OPCML: variants seen among roughly 807,000 people sequenced by gnomAD.
The protein encoded by OPCML is opioid-binding protein/cell adhesion molecule.
Under a neutral mutation model 37.8 loss-of-function variants are expected in OPCML, and 13 were observed. The observed-to-expected ratio is 0.34, with a 90% CI of 0.22 to 0.55. The LOEUF is 0.55. OPCML is among the 20% of genes least tolerant of loss of function. OPCML has a pLI of 0.91. For synonymous variants in OPCML, 176 were observed against 168.8 expected (o/e 1.04, Z -0.33); for missense variants, 341 against 435.6 (o/e 0.78, Z 1.93).
At chr11:133,307,721 G>T (rs1404374604) in intron 1 of OPCML, among the ~76,000 whole-genome samples, 1 of 152,158 alleles carries the variant, frequency 6.6e-6, no homozygotes, top group Non-Finnish European at 1.5e-5. Context: ...GGTGCGTTTT[G>T]ATTCCAATAT....
chr11:133,164,457 C>T (rs1950183411), intron 1 of OPCML, among the ~76,000 whole-genome samples: 1 of 152,226 alleles, frequency 6.6e-6, no homozygotes, highest in Admixed American at 6.5e-5. Flanking sequence ...AGCTGGTACT[C>T]TTACCCTGGG....
intron 1 of OPCML, among the ~76,000 whole-genome samples, chr11:133,053,185 G>A (rs1217454562): frequency 6.6e-6 from 1 of 152,168 alleles, no homozygotes; most frequent in Non-Finnish European, 1.5e-5. Flanking sequence ...CTCTACACTG[G>A]TGATAATGTC....
chr11:133,395,530 G>A (rs937878392), intron 1 of OPCML, among the ~76,000 whole-genome samples: 18 of 152,138 alleles, frequency 1.2e-4, no homozygotes, highest in African/African-American at 3.6e-4. Context: ...ATAGTTTGAG[G>A]TCTTAGATTT....
chr11:132,633,443 T>G (rs1940280633), intron 3 of OPCML, among the ~76,000 whole-genome samples: 3 of 152,098 alleles, frequency 2.0e-5, no homozygotes, highest in African/African-American at 7.2e-5. Context: ...TCATTTCTGA[T>G]AGAAATTAAA....
At position 132,415,938 on chromosome 11, in the gene OPCML, G is replaced by A. The variant is rs1036290871; in HGVS notation, c.*4255C>T. ...CATATGGTCTCTTTTTGAAAATGTT[G>A]CCTTCCTACTTACACACCTGTGAAG... On this transcript the variant is annotated 3_prime_UTR_variant, in exon 8 of 8. Transcript: ENST00000524381. The A allele has an allele frequency of 6.6e-6, 1 of 152,496 alleles. No homozygotes were observed. Among genetic ancestry groups the A allele is most frequent in the Admixed American group, 6.6e-5 (1 of 15,260 alleles). The allele number at this position is 152,496 out of a possible 1,614,324, so 9.4% of individuals were successfully genotyped here.
chr11:132,841,352 T>G (rs1406235667), intron 2 of OPCML, among the ~76,000 whole-genome samples: 3 of 152,150 alleles, frequency 2.0e-5, no homozygotes, highest in Non-Finnish European at 2.9e-5. Flanking sequence ...CAAAGTCTAA[T>G]TGAGGAGCAG....
chr11:133,298,954 G>C (rs1942706722), intron 1 of OPCML: 1 of 151,848 alleles, frequency 6.6e-6, no homozygotes, highest in Non-Finnish European at 1.5e-5. Context: ...GCCATTATTT[G>C]ACTAGAGAAG....
intron 3 of OPCML, among the ~76,000 whole-genome samples, chr11:132,625,942 T>A (rs773142858): frequency 1.5e-4 from 23 of 152,122 alleles, no homozygotes; most frequent in Non-Finnish European, 3.4e-4. Context: ...ATTGGCCACA[T>A]CTCTATTGTA....
chr11:132,812,881 T>C (rs1939425185), intron 2 of OPCML, among the ~76,000 whole-genome samples: 1 of 152,210 alleles, frequency 6.6e-6, no homozygotes, highest in African/African-American at 2.4e-5. Flanking sequence ...GATTTCCACA[T>C]AATATGTCCT....
intron 1 of OPCML, among the ~76,000 whole-genome samples, chr11:133,280,161 T>A (rs914026700): frequency 1.1e-4 from 17 of 152,252 alleles, no homozygotes; most frequent in Non-Finnish European, 1.5e-4. Flanking sequence ...TAGATTTGCA[T>A]ATAAAACCAC....
chr11:132,673,380 A>G (rs1185142974), intron 2 of OPCML, among the ~76,000 whole-genome samples: 3 of 152,176 alleles, frequency 2.0e-5, no homozygotes, highest in Non-Finnish European at 4.4e-5. Context: ...TTGGGGCATC[A>G]GACATGAGGA....
intron 1 of OPCML, among the ~76,000 whole-genome samples, chr11:133,191,341 C>A (rs1938304610): frequency 6.6e-6 from 1 of 152,074 alleles, no homozygotes; most frequent in Non-Finnish European, 1.5e-5. Context: ...TTATAAAATG[C>A]AAGAGTTCCT....
chr11:133,516,007 G>C (rs1002002769), intron 1 of OPCML, among the ~76,000 whole-genome samples: 1 of 151,978 alleles, frequency 6.6e-6, no homozygotes, highest in Non-Finnish European at 1.5e-5. Flanking sequence ...TCAACACAAC[G>C]CCAGCCTCAT....
intron 2 of OPCML, among the ~76,000 whole-genome samples, chr11:132,869,551 CT>C (rs985850695): frequency 6.6e-6 from 1 of 151,732 alleles, no homozygotes; most frequent in South Asian, 2.1e-4. Context: ...AATAATGAAC[CT>C]TTTTTCCTTA....
intron 1 of OPCML, among the ~76,000 whole-genome samples, chr11:133,339,108 T>C (rs931753907): frequency 2.0e-5 from 3 of 152,194 alleles, no homozygotes; most frequent in African/African-American, 7.2e-5. Context: ...AAGCTATTAA[T>C]ACAACTCTAC....
intron 3 of OPCML, among the ~76,000 whole-genome samples, chr11:132,614,938 A>G (rs557186303): frequency 6.6e-5 from 10 of 152,348 alleles, no homozygotes; most frequent in African/African-American, 2.4e-4. Flanking sequence ...ACTGCCTGAC[A>G]GTTTTTATTG....
intron 1 of OPCML, among the ~76,000 whole-genome samples, chr11:132,952,158 T>C (rs563076551): frequency 6.6e-6 from 1 of 152,310 alleles, no homozygotes; most frequent in Admixed American, 6.5e-5. Flanking sequence ...TAAGTCAGTG[T>C]GGACCCAGTG....
intron 2 of OPCML, among the ~76,000 whole-genome samples, chr11:132,793,808 G>A (rs974084296): frequency 5.9e-5 from 9 of 152,176 alleles, no homozygotes; most frequent in African/African-American, 2.2e-4. Context: ...CTCCTGCTGA[G>A]TTCGCACTAA....
chr11:132,691,957 C>T (rs1943420861), intron 2 of OPCML, among the ~76,000 whole-genome samples: 1 of 152,086 alleles, frequency 6.6e-6, no homozygotes, highest in Non-Finnish European at 1.5e-5. Flanking sequence ...TGGCAAAATA[C>T]CCTCCTGGTT....
Sources: allele counts gnomAD v4.1 joint callset (sites outside exome capture counted in the v4.1 genomes callset), GRCh38; gene constraint gnomAD v4.1.1; transcripts MANE v1.5; gene names NCBI Gene and HGNC (gene_info 2026-07-23, HGNC 2026-07-21).